The following WWP2 variants were observed in gnomAD, a reference collection of about 807,000 sequenced individuals.
WWP2 encodes WW domain containing E3 ubiquitin protein ligase 2.
A neutral mutation model predicts 121.0 loss-of-function variants in WWP2; 57 were observed. The ratio of observed to expected loss-of-function variants is 0.47; its 90% CI spans 0.38 to 0.59. The LOEUF is 0.59. Among genes scored for constraint, WWP2 ranks in the 20% least tolerant of loss-of-function variants. The pLI is 0.00. For missense variants in WWP2, 962 were observed against 1,158.9 expected, an observed-to-expected ratio of 0.83 and a Z score of 2.47; for synonymous variants, 449 against 441.3, an observed-to-expected ratio of 1.02 and a Z score of -0.22.
chr16:69,928,568 A>T (rs1356051481), intron 11 of WWP2, among the ~76,000 whole-genome samples: 2 of 151,916 alleles, frequency 1.3e-5, no homozygotes, highest in African/African-American at 4.8e-5. Context: ...CCCCAGCCCC[A>T]CTCCATGAAC....
At chr16:69,777,521 G>A (rs1335469176) in intron 1 of WWP2, among the ~76,000 whole-genome samples, 2 of 151,578 alleles carry the variant, frequency 1.3e-5, no homozygotes, top group East Asian at 1.9e-4. Flanking sequence ...GGCTGGTCTC[G>A]AACTCCTGAC....
At chr16:69,923,300 A>G (rs1381349560) in intron 10 of WWP2, among the ~76,000 whole-genome samples, 1 of 41,748 alleles carries the variant, frequency 2.4e-5, no homozygotes, top group Non-Finnish European at 4.1e-5. Context: ...CGCTTCTTAT[A>G]GGTGTGTGTG....
intron 6 of WWP2, among the ~76,000 whole-genome samples, chr16:69,843,406 A>G (rs1415289267): frequency 6.6e-6 from 1 of 152,154 alleles, no homozygotes; most frequent in African/African-American, 2.4e-5. Flanking sequence ...GTATAAAGAG[A>G]TGAGGGGAGA....
intron 9 of WWP2, among the ~76,000 whole-genome samples, chr16:69,914,560 C>T (rs1036654927): frequency 3.3e-5 from 5 of 152,080 alleles, no homozygotes; most frequent in Admixed American, 2.6e-4. Context: ...GAGTTCAAGA[C>T]CAGCCTGGGC....
chr16:69,821,884 A>T (rs538134570), intron 4 of WWP2, among the ~76,000 whole-genome samples: 4 of 150,228 alleles, frequency 2.7e-5, no homozygotes, highest in South Asian at 2.1e-4. Flanking sequence ...TTTTTTTTTT[A>T]AATAAGAAAC....
rs1324266220 is a variant in WWP2 at position 69,929,443 on chromosome 16, G to A, written c.1235-5G>A. ...TGATGTTCTTTCTTTCTTCTCATGT[G>A]GCAGAGAAGAGACAGGACAATGGAC... On this transcript the variant is annotated splice_region_variant and splice_polypyrimidine_tract_variant and intron_variant, in intron 11 of 23. Transcript: ENST00000359154. 6.2e-7 allele frequency: 1 copy of A among 1,612,410 alleles called. No individual in the cohort carries two copies. The highest frequency in any genetic ancestry group is 1.7e-5 in the Admixed American group (1 of 59,986).
At position 69,877,928 on chromosome 16, in the gene WWP2, C is replaced by A. The variant is rs113940832; in HGVS notation, c.703+5997C>A. Among the ~76,000 whole-genome samples, 89 of 152,198 alleles carry A rather than the reference C, an allele frequency of 5.8e-4. No individual in the cohort carries two copies. The East Asian group carries it at 0.014, about 23-fold the overall frequency. On this transcript the variant is annotated intron_variant, in intron 7 of 23. Coordinates refer to ENST00000359154, the MANE Select transcript of WWP2 (RefSeq NM_001270454.2). The stretch of plus-strand genomic sequence containing the variant: ...GTTCAAGCGATTCTCCTGCCTCAGC[C>A]CCCCCAGTAGCTGGGATTATAGGCG...
intron 6 of WWP2, among the ~76,000 whole-genome samples, chr16:69,854,727 T>G (rs2057278229): frequency 6.6e-6 from 1 of 152,226 alleles, no homozygotes; most frequent in Admixed American, 6.5e-5. Context: ...ATTTTTGTAT[T>G]TTTAGTAGAG....
chr16:69,899,726 CAAAAAAAAA>C (rs35485826), intron 8 of WWP2, among the ~76,000 whole-genome samples: 1 of 64,752 alleles, frequency 1.5e-5, no homozygotes, highest in African/African-American at 5.4e-5. Flanking sequence ...GACTCCGTCT[CAAAAAAAAA>C]AAAAAAAAAA....
chr16:69,866,663 A>G (rs1184616737), intron 6 of WWP2, among the ~76,000 whole-genome samples: 1 of 152,130 alleles, frequency 6.6e-6, no homozygotes, highest in East Asian at 1.9e-4. Flanking sequence ...AAGGTTGAGT[A>G]ATACTCATAT....
chr16:69,927,652 C>G (rs1215812961), intron 11 of WWP2, among the ~76,000 whole-genome samples: 1 of 152,234 alleles, frequency 6.6e-6, no homozygotes, highest in African/African-American at 2.4e-5. Flanking sequence ...GGCTTTGGCC[C>G]TTAACAGGGC....
intron 8 of WWP2, among the ~76,000 whole-genome samples, chr16:69,889,986 A>G (rs2057996604): frequency 6.6e-6 from 1 of 151,916 alleles, no homozygotes; most frequent in African/African-American, 2.4e-5. Flanking sequence ...ACAGGGTCTC[A>G]CTCTGTTGCC....
intron 7 of WWP2, among the ~76,000 whole-genome samples, chr16:69,882,745 C>G (rs1597104124): frequency 6.6e-6 from 1 of 152,194 alleles, no homozygotes; most frequent in African/African-American, 2.4e-5. Context: ...ATGCGGGAAA[C>G]AAATCTGCCC....
intron 8 of WWP2, among the ~76,000 whole-genome samples, chr16:69,888,722 A>G (rs542249767): frequency 6.8e-6 from 1 of 147,234 alleles, no homozygotes; most frequent in Non-Finnish European, 1.5e-5. Context: ...TTTTTTTTTT[A>G]GAGATGGAGT....
intron 16 of WWP2, chr16:69,933,029 A>T: frequency 2.1e-6 from 1 of 478,560 alleles, no homozygotes; most frequent in South Asian, 1.5e-5. Context: ...TTCCGTGGTG[A>T]CCTCCTCTCC....
chr16:69,777,555 C>T (rs1452409720), intron 1 of WWP2, among the ~76,000 whole-genome samples: 1 of 151,866 alleles, frequency 6.6e-6, no homozygotes, highest in Non-Finnish European at 1.5e-5. Flanking sequence ...CCCACCTCAG[C>T]CTCCCAAAGT....
intron 11 of WWP2, among the ~76,000 whole-genome samples, chr16:69,927,074 G>A (rs994016474): frequency 1.3e-5 from 2 of 152,134 alleles, no homozygotes; most frequent in Non-Finnish European, 2.9e-5. Context: ...TGGAGGAGCC[G>A]TGGTCAGAGT....
At chr16:69,918,833 T>C (rs922925433) in intron 10 of WWP2, among the ~76,000 whole-genome samples, 2 of 151,710 alleles carry the variant, frequency 1.3e-5, no homozygotes, top group African/African-American at 2.4e-5. Flanking sequence ...AATTTTCTTT[T>C]TCCTTTTCTT....
At chr16:69,929,997 T>C in intron 12 of WWP2, 133 bp from the exon 13 acceptor site, 1 of 1,361,322 alleles carries the variant, frequency 7.3e-7, no homozygotes. Flanking sequence ...TGGGTCATGC[T>C]TCTTGGGTGC....
Sources: gnomAD v4.1 joint callset for allele counts (sites outside exome capture counted in the v4.1 genomes callset) on GRCh38, gnomAD v4.1.1 for gene constraint, MANE v1.5 for transcripts, NCBI Gene and HGNC (gene_info 2026-07-23, HGNC 2026-07-21) for gene names.